RRP12: variants seen among roughly 807,000 people sequenced by gnomAD.
RRP12 encodes the protein RRP12-like protein.
In RRP12, 78 loss-of-function variants were observed where a neutral mutation model predicts 157.3. That is an observed-to-expected ratio of 0.50 (90% confidence interval 0.41 to 0.60). The LOEUF (loss-of-function observed/expected upper bound fraction) is 0.60, where lower values mean the gene tolerates loss of function less well. Among genes scored for constraint, RRP12 ranks in the 20% least tolerant of loss-of-function variants. RRP12 has a pLI of 0.00. For missense variants in RRP12, 1,521 were observed against 1,679.9 expected (o/e 0.91, Z 1.65); for synonymous variants, 726 against 670.9 (o/e 1.08, Z -1.27).
At chr10:97,378,079 G>A (rs1419945724) in intron 15 of RRP12, among the ~76,000 whole-genome samples, 2 of 152,048 alleles carry the variant, frequency 1.3e-5, no homozygotes, top group Non-Finnish European at 2.9e-5. Context: ...GAGTAAACTA[G>A]AAGATAAATA....
chr10:97,369,707 C>T (rs545710863), intron 24 of RRP12, 125 bp from the exon 25 acceptor site: 10 of 1,025,864 alleles, frequency 9.7e-6, no homozygotes, highest in East Asian at 2.6e-5. Flanking sequence ...TCCGTATGCC[C>T]GGGATGGTTC....
chr10:97,364,009 G>A (rs370544281), intron 29 of RRP12, 106 bp from the exon 30 acceptor site: 42 of 966,776 alleles, frequency 4.3e-5, no homozygotes, highest in East Asian at 7.2e-5. Flanking sequence ...CACCAACTCC[G>A]GCCCCAGAAA....
chr10:97,377,007 G>A (rs990892913), intron 15 of RRP12, among the ~76,000 whole-genome samples: 1 of 151,648 alleles, frequency 6.6e-6, no homozygotes, highest in Admixed American at 6.6e-5. Context: ...AGCCTCCCGA[G>A]TAGGTGGGAT....
intron 17 of RRP12, 149 bp from the exon 18 acceptor site, chr10:97,373,349 C>A (rs1020687318): frequency 1.8e-5 from 18 of 1,021,136 alleles, no homozygotes; most frequent in Non-Finnish European, 2.4e-5. Context: ...AGAAGCTGAG[C>A]CAGGGCATGG....
At chr10:97,397,157 T>G (rs1844987780) in intron 2 of RRP12, among the ~76,000 whole-genome samples, 1 of 152,010 alleles carries the variant, frequency 6.6e-6, no homozygotes, top group African/African-American at 2.4e-5. Flanking sequence ...TTTTTGTTGT[T>G]GTTGTTGTTG....
chr10:97,378,361 C>T (rs1396018085), intron 15 of RRP12, among the ~76,000 whole-genome samples: 1 of 152,172 alleles, frequency 6.6e-6, no homozygotes, highest in Admixed American at 6.5e-5. Context: ...TAGTCTATTG[C>T]TCCTAGGCTA....
rs766302067 is a variant in RRP12 at position 97,381,466 on chromosome 10, G to A, written c.1338C>T (p.Cys446=). The A allele has an allele frequency of 1.5e-5, 24 of 1,612,260 alleles. No homozygotes were observed. The highest frequency in any genetic ancestry group is 4.5e-5 in the East Asian group (2 of 44,866). The change falls in exon 12 of 34, where the codon TGC becomes TGT. Residue 446 remains cysteine, a synonymous_variant. Coordinates refer to ENST00000370992, the MANE Select transcript of RRP12 (RefSeq NM_015179.4). ...CAATGTCAGCCATGTGGGGAGCCAC[G>A]CATTCCTTCAGGATCTCCTGCGAAG... ...TQSLKEILKE[C]VAPHMADIGS...
chr10:97,388,327 C>G lies in RRP12; in HGVS notation c.942G>C (p.Leu314=). The change falls in exon 8 of 34, where the codon CTG becomes CTC. Residue 314 remains leucine, a synonymous_variant. Transcript: ENST00000370992. ...TLHMLTLLKD[L]LPCFPEGLVK... ...CCAGGCCTTCCGGGAAGCAGGGCAG[C>G]AGGTCCTTCAGCAGCGTCAGCATGT... 6.2e-7 allele frequency: 1 copy of G among 1,614,002 alleles called. No homozygotes were observed. The highest frequency in any genetic ancestry group is 1.3e-5 in the African/African-American group (1 of 75,036).
At chr10:97,382,705 C>A (rs755469209) in intron 10 of RRP12, among the ~76,000 whole-genome samples, 5 of 152,032 alleles carry the variant, frequency 3.3e-5, no homozygotes, top group Non-Finnish European at 5.9e-5. Flanking sequence ...TGCTTTTTCT[C>A]CAATATATCT....
At chr10:97,370,313 C>CCA in intron 23 of RRP12, 39 bp from the exon 24 acceptor site, 1 of 1,498,398 alleles carries the variant, frequency 6.7e-7, no homozygotes, top group Non-Finnish European at 9.1e-7. Context: ...CAGGAAGGAC[C>CCA]CACCAGGTAG....
chr10:97,391,953 T>C (rs1201476816), intron 4 of RRP12, among the ~76,000 whole-genome samples: 3 of 151,522 alleles, frequency 2.0e-5, no homozygotes, highest in Non-Finnish European at 2.9e-5. Context: ...ATTTCAACGA[T>C]ATTTTTCGGT....
At chr10:97,358,885 C>A in intron 32 of RRP12, 58 bp downstream of exon 32, 1 of 1,413,134 alleles carries the variant, frequency 7.1e-7, no homozygotes. Context: ...CTCCTCCTTG[C>A]CCCTCCCTGG....
At chr10:97,370,860 G>T in intron 21 of RRP12, 63 bp downstream of exon 21, 1 of 1,610,658 alleles carries the variant, frequency 6.2e-7, no homozygotes, top group African/African-American at 1.3e-5. Flanking sequence ...AGCCTCAACA[G>T]TGGCTCCTTT....
rs576835885 is a variant in RRP12 at position 97,363,788 on chromosome 10, G to A, written c.3567+66C>T. 10 of 1,370,538 alleles carry A rather than the reference G, an allele frequency of 7.3e-6. No individual in the cohort carries two copies. In the East Asian group the frequency reaches 2.3e-4, roughly 31 times the overall value. The allele number at this position is 1,370,538 out of a possible 1,614,324, so 84.9% of individuals were successfully genotyped here. A position where few individuals can be genotyped will look rare whatever the true frequency, so the allele number is the denominator to read the frequency against. ...GTTCCAATGTCTACGTGTGGTGGGG[G>A]TGAGAAGCTGTGGAGCCCAGGCTTA... is the stretch of plus-strand genomic sequence containing the variant. On this transcript the variant is annotated intron_variant, in intron 30 of 33. Coordinates refer to ENST00000370992, the MANE Select transcript of RRP12 (RefSeq NM_015179.4).
intron 3 of RRP12, 42 bp downstream of exon 3, chr10:97,396,176 C>T (rs1844957245): frequency 7.1e-7 from 1 of 1,403,010 alleles, no homozygotes; most frequent in African/African-American, 1.4e-5. Context: ...TCTTGCATAA[C>T]CTGCTGCTCT....
In RRP12 at chr10:97,396,315, A is replaced by C; in HGVS notation, c.370-14T>G. On this transcript the variant is annotated splice_polypyrimidine_tract_variant and intron_variant, in intron 2 of 33. Transcript: ENST00000370992. The stretch of plus-strand genomic sequence containing the variant: ...AACAGCACAGATCTGCACAGGAGGG[A>C]GAAAGCACTGTGACTATTTTAGACC... 1 of 1,608,678 alleles carries C rather than the reference A, an allele frequency of 6.2e-7. No individual in the cohort carries two copies. The highest frequency in any genetic ancestry group is 8.5e-7 in the Non-Finnish European group (1 of 1,175,118).
At chr10:97,389,805 T>C (rs1844750184) in intron 6 of RRP12, among the ~76,000 whole-genome samples, 1 of 151,942 alleles carries the variant, frequency 6.6e-6, no homozygotes, top group Admixed American at 6.6e-5. Flanking sequence ...CTCTGCCTGC[T>C]GGGTTCAAGC....
At position 97,388,525 on chromosome 10, in the gene RRP12, C is replaced by A; in HGVS notation, c.853G>T (p.Ala285Ser). 1 of 1,614,192 alleles carries A rather than the reference C, an allele frequency of 6.2e-7. No individual in the cohort carries two copies. The highest frequency in any genetic ancestry group is 1.1e-5 in the South Asian group (1 of 91,084). The change falls in exon 7 of 34, where the codon GCC becomes TCC. Residue 285 changes from alanine to serine, a missense_variant. By Grantham distance (99) the Ala-to-Ser change is moderately conservative. Coordinates refer to ENST00000370992, the MANE Select transcript of RRP12 (RefSeq NM_015179.4). ...TCAATCTCCTGGATGCAGAACTTGG[C>A]AGTGGAAATGGCAGCAGGATGATGG... ...PAHHPAAIST[A>S]KFCIQEIEKS...
At chr10:97,395,503 G>T (rs1366605535) in intron 3 of RRP12, among the ~76,000 whole-genome samples, 3 of 150,722 alleles carry the variant, frequency 2.0e-5, no homozygotes, top group Non-Finnish European at 4.4e-5. Context: ...AGTGAACTGG[G>T]ATCGTGCCAC....
Sources: gnomAD v4.1 joint callset for allele counts (sites outside exome capture counted in the v4.1 genomes callset) on GRCh38, gnomAD v4.1.1 for gene constraint, MANE v1.5 for transcripts, NCBI Gene and HGNC (gene_info 2026-07-23, HGNC 2026-07-21) for gene names.